The following POLA1 variants were observed in gnomAD, a reference collection of about 807,000 sequenced individuals.
The protein encoded by POLA1 is DNA polymerase alpha catalytic subunit.
A neutral mutation model predicts 124.0 loss-of-function variants in POLA1; 15 were observed. The ratio of observed to expected loss-of-function variants is 0.12; its 90% CI spans 0.08 to 0.19. The LOEUF is 0.19. POLA1 is among the 10% of genes least tolerant of loss of function. The pLI, the probability that POLA1 is intolerant of heterozygous loss-of-function variation, is 1.00. For synonymous variants in POLA1, 408 were observed against 389.4 expected (o/e 1.05, Z -0.56); for missense variants, 886 against 1,103.4 (o/e 0.80, Z 2.79).
chrX:24,906,782 A>C (rs1453197333), intron 35 of POLA1, among the ~76,000 whole-genome samples: 1 of 112,284 alleles, frequency 8.9e-6, no homozygotes, highest in African/African-American at 3.2e-5. Context: ...TCAAATGGAT[A>C]TATCAGAAGC....
At chrX:24,953,129 C>G (rs939991273) in intron 36 of POLA1, among the ~76,000 whole-genome samples, 4 of 111,859 alleles carry the variant, frequency 3.6e-5, no homozygotes, top group African/African-American at 1.3e-4. Flanking sequence ...TAAATTCTAT[C>G]TAGTGCAGAC....
chrX:24,972,948 A>G lies in POLA1; in HGVS notation c.4262-22857A>G, dbSNP rs1445049755. On this transcript the variant is annotated intron_variant, in intron 36 of 36. Transcript: ENST00000379068. Reference sequence around the variant, plus strand: ...TGACTTTTTTTCCTTCCATTAGCCAATTCTGGCTTAGATATTGGAGAAGGG... The same window carrying G: ...TGACTTTTTTTCCTTCCATTAGCCAGTTCTGGCTTAGATATTGGAGAAGGG... Among the ~76,000 whole-genome samples the G allele has an allele frequency of 4.4e-5, 5 of 112,367 alleles. No individual in the cohort carries two copies. The East Asian group carries it at 8.4e-4, about 19-fold the overall frequency.
chrX:24,764,571 G>A (rs1447459549), intron 26 of POLA1, among the ~76,000 whole-genome samples: 1 of 112,072 alleles, frequency 8.9e-6, no homozygotes. Flanking sequence ...ATGAGTTTGC[G>A]AAGTTTGTTC....
At chrX:24,770,725 A>T (rs1009106324) in intron 26 of POLA1, among the ~76,000 whole-genome samples, 4 of 111,035 alleles carry the variant, frequency 3.6e-5, no homozygotes, top group African/African-American at 1.3e-4. Flanking sequence ...GGGGGGTTCT[A>T]ATTCCAACTC....
chrX:24,803,021 A>G (rs2045743226), intron 26 of POLA1, among the ~76,000 whole-genome samples: 3 of 111,612 alleles, frequency 2.7e-5, no homozygotes, highest in South Asian at 7.6e-4. Context: ...CAATAATAAA[A>G]TAAAAGATAG....
chrX:24,700,536 T>A (rs1329483032), intron 2 of POLA1, among the ~76,000 whole-genome samples: 1 of 111,563 alleles, frequency 9.0e-6, no homozygotes, highest in Non-Finnish European at 1.9e-5. Context: ...TGAGATGGAG[T>A]CTCTCTCTGT....
intron 35 of POLA1, among the ~76,000 whole-genome samples, chrX:24,895,755 A>C (rs916011738): frequency 2.7e-5 from 3 of 112,419 alleles, no homozygotes; most frequent in African/African-American, 9.7e-5. Flanking sequence ...TGGAGAAGAT[A>C]AAAGATCTCT....
At chrX:24,932,903 A>G (rs1166568713) in intron 36 of POLA1, among the ~76,000 whole-genome samples, 1 of 111,828 alleles carries the variant, frequency 8.9e-6, no homozygotes, top group East Asian at 2.8e-4. Context: ...TAGGGTATTC[A>G]TAAGTGGTGG....
At chrX:24,985,903 G>A (rs2048474680) in intron 36 of POLA1, among the ~76,000 whole-genome samples, 1 of 111,845 alleles carries the variant, frequency 8.9e-6, no homozygotes, top group South Asian at 3.8e-4. Flanking sequence ...CAGGCGTGGT[G>A]GCTCATGCCT....
chrX:24,888,225 C>T, intron 35 of POLA1, 103 bp downstream of exon 35: 1 of 481,405 alleles, frequency 2.1e-6, no homozygotes, highest in South Asian at 3.6e-5. Flanking sequence ...TGCCCTACTA[C>T]CATATGCATA....
intron 26 of POLA1, among the ~76,000 whole-genome samples, chrX:24,759,067 T>C (rs764683822): frequency 1.6e-4 from 18 of 111,812 alleles, no homozygotes; most frequent in Non-Finnish European, 2.4e-4. Context: ...ATTATACTAC[T>C]AAGTGTCAAA....
intron 2 of POLA1, among the ~76,000 whole-genome samples, chrX:24,701,368 T>C (rs759216345): frequency 2.7e-5 from 3 of 111,374 alleles, no homozygotes; most frequent in Non-Finnish European, 5.6e-5. Context: ...TCCAAGTTTT[T>C]TCCTAGGGTA....
chrX:24,718,038 T>A (rs1007373577), intron 10 of POLA1, among the ~76,000 whole-genome samples: 5 of 111,875 alleles, frequency 4.5e-5, no homozygotes, highest in African/African-American at 1.6e-4. Flanking sequence ...TCCTTAAAGA[T>A]GCTTATTCCA....
intron 35 of POLA1, among the ~76,000 whole-genome samples, chrX:24,914,514 T>TC (rs751216833): frequency 2.3e-5 from 2 of 85,737 alleles, no homozygotes; most frequent in East Asian, 6.9e-4. Context: ...GTAAAACATC[T>TC]CCCCCCACCC....
intron 34 of POLA1, among the ~76,000 whole-genome samples, chrX:24,866,624 T>C (rs984746933): frequency 8.9e-6 from 1 of 112,170 alleles, no homozygotes; most frequent in Non-Finnish European, 1.9e-5. Context: ...TTGAAATGTT[T>C]CTAGTTTATT....
intron 4 of POLA1, among the ~76,000 whole-genome samples, chrX:24,714,275 A>G (rs1037422584): frequency 1.8e-5 from 2 of 111,558 alleles, no homozygotes; most frequent in African/African-American, 6.5e-5. Flanking sequence ...CTCCTGCCTC[A>G]GCCTCTGGAG....
At chrX:24,823,640 G>A (rs775309102) in intron 31 of POLA1, among the ~76,000 whole-genome samples, 56 of 111,942 alleles carry the variant, frequency 5.0e-4, no homozygotes, top group Non-Finnish European at 4.5e-4. Flanking sequence ...CTGACCTCAC[G>A]TGATCCTCCT....
At chrX:24,698,104 G>A (rs866059063) in intron 1 of POLA1, among the ~76,000 whole-genome samples, 60 of 110,281 alleles carry the variant, frequency 5.4e-4, no homozygotes, top group African/African-American at 1.9e-3. Context: ...ATCACACCCA[G>A]CTAATTTTTG....
intron 34 of POLA1, among the ~76,000 whole-genome samples, chrX:24,867,292 T>C (rs1355385138): frequency 9.0e-6 from 1 of 111,586 alleles, no homozygotes; most frequent in Non-Finnish European, 1.9e-5. Context: ...GATAGTGTTA[T>C]ATTCTTTGTT....
Sources: gnomAD v4.1 joint callset for allele counts (sites outside exome capture counted in the v4.1 genomes callset) on GRCh38, gnomAD v4.1.1 for gene constraint, MANE v1.5 for transcripts, NCBI Gene and HGNC (gene_info 2026-07-23, HGNC 2026-07-21) for gene names.